PHF21A: variants seen among roughly 807,000 people sequenced by gnomAD.
PHF21A encodes BHC80a.
Under a neutral mutation model 82.5 loss-of-function variants are expected in PHF21A, and 11 were observed. The observed-to-expected ratio is 0.13, with a 90% CI of 0.08 to 0.22. The LOEUF is 0.22. Among genes scored for constraint, PHF21A ranks in the 10% least tolerant of loss-of-function variants. The pLI, the probability that PHF21A is intolerant of heterozygous loss-of-function variation, is 1.00. For synonymous variants in PHF21A, 297 were observed against 302.8 expected (o/e 0.98, Z 0.20); for missense variants, 579 against 837.8 (o/e 0.69, Z 3.81).
At chr11:46,111,114 T>C (rs181363705) in intron 1 of PHF21A, among the ~76,000 whole-genome samples, 40 of 146,138 alleles carry the variant, frequency 2.7e-4, no homozygotes, top group African/African-American at 9.2e-4. Context: ...CACAACTATG[T>C]GGGGGGGGAG....
At chr11:46,107,436 A>G (rs1312771832) in intron 1 of PHF21A, among the ~76,000 whole-genome samples, 1 of 152,240 alleles carries the variant, frequency 6.6e-6, no homozygotes, top group Non-Finnish European at 1.5e-5. Flanking sequence ...AAGGAAAAGC[A>G]TATTTATGAA....
chr11:46,052,993 G>A (rs991561316), intron 6 of PHF21A, among the ~76,000 whole-genome samples: 14 of 152,136 alleles, frequency 9.2e-5, no homozygotes, highest in African/African-American at 3.1e-4. Context: ...AGGCAAATCA[G>A]GGATGAAAAG....
At chr11:46,032,457 T>A (rs964824572) in intron 6 of PHF21A, among the ~76,000 whole-genome samples, 1 of 150,002 alleles carries the variant, frequency 6.7e-6, no homozygotes, top group African/African-American at 2.5e-5. Flanking sequence ...TCTTAACAAG[T>A]GCACTCACAA....
At chr11:46,091,442 G>C (rs1360514928) in intron 2 of PHF21A, among the ~76,000 whole-genome samples, 1 of 151,876 alleles carries the variant, frequency 6.6e-6, no homozygotes, top group Non-Finnish European at 1.5e-5. Context: ...GTAGATATTA[G>C]GAAAAAATGT....
Position 45,933,802 on chromosome 11 carries a change from T to C in PHF21A, c.*166A>G, listed in dbSNP as rs2088042322. On this transcript the variant is annotated 3_prime_UTR_variant, in exon 19 of 19. Coordinates refer to ENST00000676320, the MANE Select transcript of PHF21A (RefSeq NM_001352027.3). ...GTACACACAGAATAAGAAGGATCAA[T>C]TGGCAAACTCTGGTGCCACCTGGCA... 8 of 589,844 alleles carry C rather than the reference T, an allele frequency of 1.4e-5. No individual in the cohort carries two copies. The highest frequency in any genetic ancestry group is 5.7e-5 in the African/African-American group (3 of 52,980). The allele number at this position is 589,844 out of a possible 1,614,324, so 36.5% of individuals were successfully genotyped here.
intron 6 of PHF21A, among the ~76,000 whole-genome samples, chr11:46,033,679 A>G (rs2095916788): frequency 6.6e-6 from 1 of 152,216 alleles, no homozygotes; most frequent in African/African-American, 2.4e-5. Context: ...TCCACTAGCC[A>G]TATATGGCTA....
chr11:45,984,221 AAATT>A (rs2094415423), intron 6 of PHF21A, among the ~76,000 whole-genome samples: 1 of 152,178 alleles, frequency 6.6e-6, no homozygotes, highest in African/African-American at 2.4e-5. Flanking sequence ...GAGGGAGAAA[AAATT>A]AATAACTTAT....
chr11:46,024,706 A>T (rs147958121), intron 6 of PHF21A, among the ~76,000 whole-genome samples: 43 of 152,302 alleles, frequency 2.8e-4, no homozygotes, highest in African/African-American at 9.6e-4. Flanking sequence ...AGGCTGAGGC[A>T]GGAGAATAGC....
At chr11:45,972,788 C>A (rs946604574) in intron 7 of PHF21A, among the ~76,000 whole-genome samples, 2 of 152,228 alleles carry the variant, frequency 1.3e-5, no homozygotes, top group Admixed American at 6.5e-5. Flanking sequence ...GTGGCAGGCA[C>A]CTGTAATCCC....
chr11:45,973,109 T>G (rs1309001681), intron 7 of PHF21A, among the ~76,000 whole-genome samples: 1 of 152,096 alleles, frequency 6.6e-6, no homozygotes, highest in East Asian at 1.9e-4. Flanking sequence ...AAATAAAAAC[T>G]AAATTAATTA....
chr11:46,111,124 G>A (rs1306327269), intron 1 of PHF21A, among the ~76,000 whole-genome samples: 1 of 151,152 alleles, frequency 6.6e-6, no homozygotes, highest in Non-Finnish European at 1.5e-5. Context: ...TGGGGGGGGA[G>A]GCTAGTATTA....
At chr11:46,119,485 A>C (rs564461132) in intron 1 of PHF21A, among the ~76,000 whole-genome samples, 18 of 152,302 alleles carry the variant, frequency 1.2e-4, no homozygotes, top group African/African-American at 4.1e-4. Flanking sequence ...ATATGACCGG[A>C]ATATGATGAC....
In PHF21A at chr11:45,934,094, A is replaced by G. The variant is rs748739458; in HGVS notation, c.1920T>C (p.Thr640=). The G allele has an allele frequency of 1.5e-5, 25 of 1,614,004 alleles. No individual in the cohort carries two copies. The East Asian group carries it at 5.1e-4, about 33-fold the overall frequency. ...DLSKPVDSEA[T]VGAISNGPDC... is the part of the protein sequence containing the mutation. ...CCGGGCCATTGGAGATGGCCCCCAC[A>G]GTGGCCTCAGAGTCTACAGGTTTGG... Residue 640 remains threonine (T), a synonymous_variant, in exon 19 of 19, where the codon ACT becomes ACC. Coordinates refer to ENST00000676320, the MANE Select transcript of PHF21A (RefSeq NM_001352027.3).
intron 11 of PHF21A, among the ~76,000 whole-genome samples, chr11:45,952,014 G>A (rs1337502180): frequency 4.0e-5 from 6 of 151,870 alleles, no homozygotes; most frequent in South Asian, 2.1e-4. Flanking sequence ...ACCATTGGCC[G>A]GGCTGGTCTC....
intron 9 of PHF21A, among the ~76,000 whole-genome samples, chr11:45,968,321 G>C (rs1007934189): frequency 1.3e-5 from 2 of 152,178 alleles, no homozygotes; most frequent in Non-Finnish European, 2.9e-5. Flanking sequence ...CCTAGGATAA[G>C]GCCCAGGTTC....
At chr11:45,957,751 CAAAA>C in intron 10 of PHF21A, among the ~76,000 whole-genome samples, 1 of 60,890 alleles carries the variant, frequency 1.6e-5, no homozygotes, top group African/African-American at 6.0e-5. Flanking sequence ...AAATTCAAAG[CAAAA>C]AAAAAAAAAA....
chr11:45,971,642 T>C (rs925945634), intron 7 of PHF21A, among the ~76,000 whole-genome samples: 1 of 151,942 alleles, frequency 6.6e-6, no homozygotes, highest in African/African-American at 2.4e-5. Context: ...AGGCACAGGG[T>C]TTTCAACAAC....
chr11:46,119,311 T>TA (rs1232610696), intron 1 of PHF21A, among the ~76,000 whole-genome samples: 4 of 152,132 alleles, frequency 2.6e-5, no homozygotes, highest in African/African-American at 9.7e-5. Context: ...GCCACAAAGT[T>TA]CACTGTCAAG....
intron 1 of PHF21A, among the ~76,000 whole-genome samples, chr11:46,095,249 T>C (rs755857049): frequency 3.3e-5 from 5 of 152,106 alleles, no homozygotes; most frequent in Admixed American, 1.3e-4. Context: ...AAAAGCAAGA[T>C]CTATACACAC....
Sources: gnomAD v4.1 joint callset for allele counts (sites outside exome capture counted in the v4.1 genomes callset) on GRCh38, gnomAD v4.1.1 for gene constraint, MANE v1.5 for transcripts, NCBI Gene and HGNC (gene_info 2026-07-23, HGNC 2026-07-21) for gene names.